Variants in TANC2 observed in about 807,000 individuals in gnomAD.
TANC2 encodes the protein tetratricopeptide repeat, ankyrin repeat and coiled-coil containing 2.
A neutral mutation model predicts 210.5 loss-of-function variants in TANC2; 26 were observed. The ratio of observed to expected loss-of-function variants is 0.12; its 90% CI spans 0.09 to 0.17. The LOEUF is 0.17. TANC2 is among the 10% of genes least tolerant of loss of function. The probability of loss-of-function intolerance (pLI) is 1.00; values close to 1 mark genes in which losing one functional copy is unlikely to be tolerated. For missense variants in TANC2, 2,129 were observed against 2,608.9 expected (o/e 0.82, Z 4.01); for synonymous variants, 931 against 967.1 (o/e 0.96, Z 0.69).
Position 63,405,300 on chromosome 17 carries a change from C to G in TANC2, c.3465+45C>G, listed in dbSNP as rs988229731. The G allele has an allele frequency of 2.0e-6, 3 of 1,492,076 alleles. No homozygotes were observed. The Admixed American group carries it at 6.1e-5, about 31-fold the overall frequency. 92.4% of individuals were successfully genotyped at this position (1,492,076 alleles called of 1,614,324 possible). On this transcript the variant is annotated intron_variant, in intron 20 of 27. Transcript: ENST00000689528. ...CCAGTCCCTCAGGCAGGACTGAGTTCTAGGTGAGGACTTCTGATGCACAGA... is the reference window on the plus strand; with the variant it reads ...CCAGTCCCTCAGGCAGGACTGAGTTGTAGGTGAGGACTTCTGATGCACAGA...
At position 63,426,570 on chromosome 17, in the gene TANC2, A is replaced by G. The variant is rs745720676; in HGVS notation, c.*4615A>G. The G allele has an allele frequency of 3.3e-5, 5 of 152,230 alleles. No individual in the cohort carries two copies. The East Asian group carries it at 5.8e-4, about 18-fold the overall frequency. 9.4% of individuals were successfully genotyped at this position (152,230 alleles called of 1,614,324 possible). A position where few individuals can be genotyped will look rare whatever the true frequency, so the allele number is the denominator to read the frequency against. The stretch of plus-strand genomic sequence containing the variant: ...GCCACCCTGAGATGCTTGTGGCCAC[A>G]TGGTGGCCACAGTCAGAGCTTTGAA... On this transcript the variant is annotated 3_prime_UTR_variant, in exon 28 of 28. Coordinates refer to ENST00000689528, the Ensembl canonical transcript of TANC2.
chr17:63,052,920 T>C (rs2035632708), intron 2 of TANC2, among the ~76,000 whole-genome samples: 1 of 152,244 alleles, frequency 6.6e-6, no homozygotes, highest in African/African-American at 2.4e-5. Flanking sequence ...GTTTTAGTTA[T>C]TTGCAGTCAT....
intron 8 of TANC2, among the ~76,000 whole-genome samples, chr17:63,256,331 A>G (rs1218557097): frequency 6.6e-6 from 1 of 152,036 alleles, no homozygotes; most frequent in African/African-American, 2.4e-5. Flanking sequence ...AAATCTGTTA[A>G]TTTCCTTCTT....
exon 10 of TANC2, chr17:63,314,534 G>A (rs757422430): frequency 9.3e-6 from 15 of 1,613,934 alleles, no homozygotes; most frequent in East Asian, 2.2e-5. Context: ...AAATGCCAGC[G>A]TGAACCAAGG....
At chr17:63,205,105 A>C (rs983444529) in intron 7 of TANC2, among the ~76,000 whole-genome samples, 1 of 151,914 alleles carries the variant, frequency 6.6e-6, no homozygotes, top group Non-Finnish European at 1.5e-5. Context: ...AAATAAATGA[A>C]AATAAAGAGA....
At chr17:62,986,011 G>T (rs1454585125) in intron 1 of TANC2, among the ~76,000 whole-genome samples, 2 of 152,130 alleles carry the variant, frequency 1.3e-5, no homozygotes, top group Non-Finnish European at 2.9e-5. Context: ...GGCTTCATAG[G>T]GAAAGACTTA....
At chr17:63,178,083 G>A (rs903558407) in intron 5 of TANC2, among the ~76,000 whole-genome samples, 4 of 152,298 alleles carry the variant, frequency 2.6e-5, no homozygotes, top group Admixed American at 6.5e-5. Context: ...CGTAATCCCA[G>A]CACTTTGGGA....
intron 4 of TANC2, among the ~76,000 whole-genome samples, chr17:63,113,703 C>T: frequency 6.6e-6 from 1 of 152,048 alleles, no homozygotes; most frequent in Non-Finnish European, 1.5e-5. Context: ...GAGATGGGGT[C>T]TTGCTATGTT....
At chr17:63,093,112 A>G (rs1284948580) in intron 3 of TANC2, among the ~76,000 whole-genome samples, 1 of 152,108 alleles carries the variant, frequency 6.6e-6, no homozygotes, top group Non-Finnish European at 1.5e-5. Flanking sequence ...CCGTTTTTTA[A>G]TATGGTTCAT....
chr17:63,171,081 CTTTTTTTTTTT>C (rs578140711), intron 5 of TANC2, among the ~76,000 whole-genome samples: 3 of 98,080 alleles, frequency 3.1e-5, no homozygotes, highest in Admixed American at 2.2e-4. Context: ...GTATTTCTTT[CTTTTTTTTTTT>C]TTTTTTTTTT....
intron 15 of TANC2, among the ~76,000 whole-genome samples, chr17:63,386,302 C>T (rs1051478302): frequency 1.3e-5 from 2 of 152,082 alleles, no homozygotes; most frequent in African/African-American, 4.8e-5. Context: ...TTTAGCTAAT[C>T]AAGGGAATTT....
chr17:63,403,324 A>T (rs528697291), intron 19 of TANC2, among the ~76,000 whole-genome samples: 9 of 152,308 alleles, frequency 5.9e-5, no homozygotes, highest in African/African-American at 1.7e-4. Flanking sequence ...CAACCTAGTA[A>T]CTACTTTAAA....
At chr17:63,112,942 A>G (rs2038108601) in intron 4 of TANC2, among the ~76,000 whole-genome samples, 1 of 152,126 alleles carries the variant, frequency 6.6e-6, no homozygotes, top group Non-Finnish European at 1.5e-5. Flanking sequence ...GATTTATGCC[A>G]TGGTCCCTAG....
chr17:62,985,261 G>T (rs2032511431), intron 1 of TANC2, among the ~76,000 whole-genome samples: 1 of 151,774 alleles, frequency 6.6e-6, no homozygotes. Flanking sequence ...AGACTAATGG[G>T]GATTCCCTTA....
At chr17:63,221,803 T>G (rs533788749) in intron 7 of TANC2, among the ~76,000 whole-genome samples, 2 of 152,156 alleles carry the variant, frequency 1.3e-5, no homozygotes, top group African/African-American at 4.8e-5. Context: ...CTGGTGTGAG[T>G]GTAAAATGGT....
chr17:63,001,632 C>T (rs559233587), intron 1 of TANC2, among the ~76,000 whole-genome samples: 45 of 150,984 alleles, frequency 3.0e-4, no homozygotes, highest in African/African-American at 1.1e-3. Flanking sequence ...GCACCCTTTG[C>T]CATCCGGGTT....
chr17:62,991,298 G>A (rs2032848827), intron 1 of TANC2, among the ~76,000 whole-genome samples: 1 of 152,032 alleles, frequency 6.6e-6, no homozygotes, highest in Non-Finnish European at 1.5e-5. Flanking sequence ...TTGACCCTCT[G>A]CGTGTGTGGG....
At chr17:63,232,893 A>AACTGCGGCTGCC (rs1567837713) in intron 7 of TANC2, among the ~76,000 whole-genome samples, 1 of 152,228 alleles carries the variant, frequency 6.6e-6, no homozygotes, top group Non-Finnish European at 1.5e-5. Context: ...CTGCGGCTGC[A>AACTGCGGCTGCC]ACTGCGGCTG....
At position 63,208,998 on chromosome 17, in the gene TANC2, C is replaced by A. The variant is rs941564353; in HGVS notation, c.769+8041C>A. Reference sequence around the variant, plus strand: ...GTATTATTTATTGATTGATTGATTTCTTCCTAATTTTTTTTTTCAATTTTT... The same window carrying A: ...GTATTATTTATTGATTGATTGATTTATTCCTAATTTTTTTTTTCAATTTTT... On this transcript the variant is annotated intron_variant, in intron 7 of 27. Transcript: ENST00000689528. Among the ~76,000 whole-genome samples, 2 of 151,566 alleles carry A rather than the reference C, an allele frequency of 1.3e-5. 1 individual carries two copies. Among genetic ancestry groups the A allele is most frequent in the South Asian group, 4.2e-4 (2 of 4,796 alleles).
Sources: allele counts gnomAD v4.1 joint callset (sites outside exome capture counted in the v4.1 genomes callset), GRCh38; gene constraint gnomAD v4.1.1; transcripts MANE v1.5; gene names NCBI Gene and HGNC (gene_info 2026-07-23, HGNC 2026-07-21).